SMCO2: variants seen among roughly 807,000 people sequenced by gnomAD.
The protein encoded by SMCO2 is single-pass membrane and coiled-coil domain-containing protein 2.
Under a neutral mutation model 29.5 loss-of-function variants are expected in SMCO2, and 25 were observed. The observed-to-expected ratio is 0.85, with a 90% CI of 0.62 to 1.18. The LOEUF (loss-of-function observed/expected upper bound fraction) is 1.18. Ranked by LOEUF, SMCO2 falls within the 50% of genes most tolerant of loss-of-function variation. The probability of loss-of-function intolerance (pLI) is 0.00; values close to 1 mark genes in which losing one functional copy is unlikely to be tolerated. For missense variants in SMCO2, 348 were observed against 344.5 expected, an observed-to-expected ratio of 1.01 and a Z score of -0.08; for synonymous variants, 117 against 123.3, an observed-to-expected ratio of 0.95 and a Z score of 0.34.
upstream of SMCO2, among the ~76,000 whole-genome samples, chr12:27,466,566 A>G (rs1343981961): frequency 6.6e-6 from 1 of 152,196 alleles, no homozygotes; most frequent in Admixed American, 6.5e-5. Flanking sequence ...GAAGAAGCTG[A>G]GATTGGAAGA....
At chr12:27,464,561 A>G (rs1025370804), upstream of SMCO2, among the ~76,000 whole-genome samples, 2 of 151,822 alleles carry the variant, frequency 1.3e-5, no homozygotes, top group African/African-American at 4.8e-5. Context: ...GCAAAAAGAT[A>G]CAAAAGTTAG....
chr12:27,459,790 G>T, the SMCO2 span, among the ~76,000 whole-genome samples: 1 of 152,182 alleles, frequency 6.6e-6, no homozygotes, highest in South Asian at 2.1e-4. Context: ...CCACCAGTGA[G>T]CAGGAGAAGG....
At chr12:27,495,042 C>T (rs550447712) in intron 6 of SMCO2, among the ~76,000 whole-genome samples, 1 of 152,228 alleles carries the variant, frequency 6.6e-6, no homozygotes, top group South Asian at 2.1e-4. Flanking sequence ...CTTTGAACTC[C>T]TCCCACAAGA....
chr12:27,488,436 C>G (rs1949707408), intron 4 of SMCO2, 24 bp from the exon 6 acceptor site: 2 of 1,458,078 alleles, frequency 1.4e-6, no homozygotes, highest in Non-Finnish European at 1.8e-6. Context: ...ATCTGCAGGC[C>G]TTAGTATCTT....
At chr12:27,459,272 T>C in the SMCO2 span, among the ~76,000 whole-genome samples, 44 of 151,620 alleles carry the variant, frequency 2.9e-4, 1 homozygote, top group South Asian at 5.6e-3. Flanking sequence ...GACTACTACA[T>C]AGCCATAACA....
chr12:27,431,775 T>G, the SMCO2 span, among the ~76,000 whole-genome samples: 2 of 152,238 alleles, frequency 1.3e-5, no homozygotes, highest in African/African-American at 4.8e-5. Flanking sequence ...GAAGTGGGAT[T>G]GCTGGATCAT....
the SMCO2 span, among the ~76,000 whole-genome samples, chr12:27,449,252 G>A: frequency 0.7 from 105,923 of 152,106 alleles, 37,252 homozygotes; most frequent in Middle Eastern, 0.81. Context: ...TCTTTGAACT[G>A]CCACACCCAA....
chr12:27,451,762 G>C, the SMCO2 span, among the ~76,000 whole-genome samples: 1 of 152,184 alleles, frequency 6.6e-6, no homozygotes, highest in African/African-American at 2.4e-5. Flanking sequence ...GTAGTAGGTG[G>C]ATTAGCAAAT....
At chr12:27,425,129 T>G in the SMCO2 span, 1 of 152,340 alleles carries the variant, frequency 6.6e-6, no homozygotes, top group East Asian at 1.9e-4. Context: ...TTTAGATTTG[T>G]CTTTTATACA....
intron 5 of SMCO2, among the ~76,000 whole-genome samples, chr12:27,493,627 A>G (rs1170870165): frequency 1.3e-5 from 2 of 152,194 alleles, no homozygotes; most frequent in African/African-American, 2.4e-5. Context: ...TCTGCTTTTC[A>G]GGGTATCCTG....
chr12:27,487,537 C>T (rs115200560), intron 4 of SMCO2, among the ~76,000 whole-genome samples: 2,963 of 152,124 alleles, frequency 0.019, 99 homozygotes, highest in African/African-American at 0.067. Context: ...TGAATATACG[C>T]GTACTATGGG....
the SMCO2 span, among the ~76,000 whole-genome samples, chr12:27,441,479 AAGAT>A: frequency 6.6e-6 from 1 of 152,210 alleles, no homozygotes; most frequent in East Asian, 1.9e-4. Context: ...GACTATAAAA[AAGAT>A]AAGGATGGTC....
chr12:27,426,373 CA>C, the SMCO2 span, among the ~76,000 whole-genome samples: 14 of 152,114 alleles, frequency 9.2e-5, no homozygotes, highest in Admixed American at 4.6e-4. Flanking sequence ...CACTTCTAGA[CA>C]AATTGTGTTC....
At chr12:27,499,254 T>C (rs1330413700) in intron 7 of SMCO2, among the ~76,000 whole-genome samples, 3 of 150,824 alleles carry the variant, frequency 2.0e-5, no homozygotes, top group Admixed American at 2.0e-4. Flanking sequence ...ATTATTCAGC[T>C]GCAAAAAAGA....
At chr12:27,449,221 C>T in the SMCO2 span, among the ~76,000 whole-genome samples, 13 of 152,186 alleles carry the variant, frequency 8.5e-5, no homozygotes, top group Admixed American at 2.0e-4. Context: ...TTAGATAAGC[C>T]GCAAAGGTCA....
chr12:27,486,904 C>T (rs1565680119), intron 4 of SMCO2, among the ~76,000 whole-genome samples: 1 of 152,102 alleles, frequency 6.6e-6, no homozygotes. Context: ...CCTATGCTTC[C>T]ATTTTTATTT....
chr12:27,441,837 C>A, the SMCO2 span, among the ~76,000 whole-genome samples: 1 of 151,850 alleles, frequency 6.6e-6, no homozygotes, highest in Non-Finnish European at 1.5e-5. Context: ...TGCATAAATT[C>A]AAAAAAATAG....
chr12:27,425,029 A>T, the SMCO2 span: 4 of 152,284 alleles, frequency 2.6e-5, no homozygotes, highest in Non-Finnish European at 5.9e-5. Flanking sequence ...ATAAAAACTG[A>T]CCTGGAAAGA....
chr12:27,491,301 CT>C (rs1269652897), intron 5 of SMCO2, among the ~76,000 whole-genome samples: 1 of 152,020 alleles, frequency 6.6e-6, no homozygotes, highest in African/African-American at 2.4e-5. Context: ...TTGAGGTGGC[CT>C]TTGGGTGTTA....
Sources: allele counts gnomAD v4.1 joint callset (sites outside exome capture counted in the v4.1 genomes callset), GRCh38; gene constraint gnomAD v4.1.1; transcripts MANE v1.5; gene names NCBI Gene and HGNC (gene_info 2026-07-23, HGNC 2026-07-21).